The following TG variants were observed in gnomAD, a reference collection of about 807,000 sequenced individuals.
TG encodes thyroid hormones.
A neutral mutation model predicts 324.7 loss-of-function variants in TG; 270 were observed. The observed-to-expected ratio is 0.83, with a 90% CI of 0.75 to 0.92. The LOEUF (loss-of-function observed/expected upper bound fraction) is 0.92. Ranked by LOEUF, TG falls within the 40% of genes least tolerant of loss-of-function variation. The pLI, the probability that TG is intolerant of heterozygous loss-of-function variation, is 0.00. For missense variants in TG, 3,591 were observed against 3,456.4 expected (o/e 1.04, Z -0.98); for synonymous variants, 1,401 against 1,327.0 (o/e 1.06, Z -1.21).
At chr8:133,041,811 C>T (rs938908321) in intron 41 of TG, among the ~76,000 whole-genome samples, 21 of 127,078 alleles carry the variant, frequency 1.7e-4, no homozygotes, top group African/African-American at 6.1e-4. Flanking sequence ...TTTTTTTAGA[C>T]GGAGTCTTGC....
chr8:133,014,256 C>T (rs1216614576), intron 37 of TG, among the ~76,000 whole-genome samples: 1 of 152,226 alleles, frequency 6.6e-6, no homozygotes, highest in African/African-American at 2.4e-5. Context: ...CAAAGCCATG[C>T]AGCCTAACTA....
chr8:133,087,116 A>T (rs568639722), intron 41 of TG, among the ~76,000 whole-genome samples: 27 of 118,460 alleles, frequency 2.3e-4, no homozygotes, highest in African/African-American at 6.4e-4. Flanking sequence ...ACACACACAC[A>T]CACACACGGA....
chr8:133,088,405 G>A (rs533695324), intron 41 of TG, among the ~76,000 whole-genome samples: 1 of 152,312 alleles, frequency 6.6e-6, no homozygotes, highest in South Asian at 2.1e-4. Flanking sequence ...GTAGCACAGT[G>A]TGGGGGGAAC....
At chr8:132,993,181 TAA>T (rs1325499136) in intron 35 of TG, among the ~76,000 whole-genome samples, 18 of 152,244 alleles carry the variant, frequency 1.2e-4, no homozygotes, top group Non-Finnish European at 1.9e-4. Context: ...ATAATAGATA[TAA>T]GTCTCCACTT....
intron 22 of TG, among the ~76,000 whole-genome samples, chr8:132,926,994 C>A (rs1378262362): frequency 6.6e-6 from 1 of 152,184 alleles, no homozygotes; most frequent in African/African-American, 2.4e-5. Flanking sequence ...TTCCACCTTG[C>A]TCACTGGAAA....
chr8:133,129,946 A>G (rs1378806285), intron 45 of TG, among the ~76,000 whole-genome samples: 4 of 152,080 alleles, frequency 2.6e-5, no homozygotes, highest in African/African-American at 9.7e-5. Flanking sequence ...GACCTCCCCA[A>G]CCTCCCACAA....
chr8:132,885,883 C>T (rs1815339986), intron 8 of TG, among the ~76,000 whole-genome samples: 1 of 152,166 alleles, frequency 6.6e-6, no homozygotes, highest in South Asian at 2.1e-4. Flanking sequence ...GTGTCTTTGG[C>T]TTGTGGCTGC....
At chr8:133,111,606 TGGAAACTCTCAGATGCGTTGTAGATG>T in intron 43 of TG, among the ~76,000 whole-genome samples, 1 of 152,202 alleles carries the variant, frequency 6.6e-6, no homozygotes, top group East Asian at 1.9e-4. Flanking sequence ...TAGAATAGAA[TGGAAACTCTCAGATGCGTTGTAGATG>T]GTAAGAGTAT....
intron 16 of TG, among the ~76,000 whole-genome samples, chr8:132,904,423 T>C (rs1458419650): frequency 1.9e-4 from 29 of 152,208 alleles, no homozygotes; most frequent in Admixed American, 1.9e-3. Flanking sequence ...TTTCATGAAA[T>C]TAAAGATGTA....
rs148810005 is a variant in TG, at chr8:133,068,524, G to A, written c.7240-26520G>A. Among the ~76,000 whole-genome samples the A allele has an allele frequency of 2.1e-3, 323 of 152,314 alleles. 1 individual carries two copies. Among genetic ancestry groups the A allele is most frequent in the African/African-American group, 7.3e-3 (305 of 41,568 alleles). ...ATTAAGTCACTAGACCACTCTTTCTGCTGTTTTTGTTTTTGTCTTTAATGA... is the reference window on the plus strand; with the variant it reads ...ATTAAGTCACTAGACCACTCTTTCTACTGTTTTTGTTTTTGTCTTTAATGA... On this transcript the variant is annotated intron_variant, in intron 41 of 47. Transcript: ENST00000220616.
At chr8:132,961,997 A>ACGTG (rs1347487555) in intron 28 of TG, among the ~76,000 whole-genome samples, 1 of 152,138 alleles carries the variant, frequency 6.6e-6, no homozygotes, top group Non-Finnish European at 1.5e-5. Flanking sequence ...CCCATGGGTA[A>ACGTG]CGTGCGATAC....
intron 27 of TG, among the ~76,000 whole-genome samples, chr8:132,959,750 T>C (rs1180937260): frequency 6.6e-6 from 1 of 152,186 alleles, no homozygotes; most frequent in Non-Finnish European, 1.5e-5. Flanking sequence ...TATCTGGAAA[T>C]CAGGGACCTT....
In TG at chr8:133,050,378, A is replaced by C. The variant is rs1046300849; in HGVS notation, c.7239+20355A>C. On this transcript the variant is annotated intron_variant, in intron 41 of 47. Coordinates refer to ENST00000220616, the MANE Select transcript of TG (RefSeq NM_003235.5). ...AAGATCTAAATAAAAGGGGCTTAGA[A>C]CTTCTGTCATGTTCTATAGCCCATA... The C allele has an allele frequency of 1.2e-4, 33 of 279,050 alleles. 1 individual carries two copies. In the South Asian group the frequency reaches 1.6e-3, roughly 14 times the overall value. 17.3% of individuals were successfully genotyped at this position (279,050 alleles called of 1,614,324 possible).
chr8:133,063,331 C>G (rs1366195861), intron 41 of TG, among the ~76,000 whole-genome samples: 1 of 151,836 alleles, frequency 6.6e-6, no homozygotes, highest in Non-Finnish European at 1.5e-5. Flanking sequence ...AGCAGGCTCC[C>G]ACCACAATGT....
At chr8:132,873,894 G>T (rs1839727054) in intron 5 of TG, among the ~76,000 whole-genome samples, 1 of 152,190 alleles carries the variant, frequency 6.6e-6, no homozygotes. Context: ...CAGAAGGCCG[G>T]GCGCAGTGGC....
At chr8:133,065,162 C>T (rs963376131) in intron 41 of TG, among the ~76,000 whole-genome samples, 3 of 152,154 alleles carry the variant, frequency 2.0e-5, no homozygotes, top group Non-Finnish European at 4.4e-5. Context: ...CCAACAACAA[C>T]GGTGATGACC....
intron 9 of TG, 134 bp downstream of exon 9, chr8:132,887,682 A>G: frequency 1.7e-6 from 2 of 1,210,656 alleles, no homozygotes; most frequent in South Asian, 1.3e-5. Flanking sequence ...GACTGCTTAT[A>G]TTAAAAATTA....
chr8:133,007,865 C>T (rs1834162620), intron 35 of TG, among the ~76,000 whole-genome samples: 1 of 150,638 alleles, frequency 6.6e-6, no homozygotes, highest in Non-Finnish European at 1.5e-5. Context: ...TTAGACAAAC[C>T]AGTCTAGGTG....
intron 35 of TG, chr8:132,995,407 T>C: frequency 1.0e-6 from 1 of 985,208 alleles, no homozygotes; most frequent in Non-Finnish European, 1.2e-6. Flanking sequence ...TAGGAGTCTG[T>C]CTGTGTTCAA....
Sources: allele counts gnomAD v4.1 joint callset (sites outside exome capture counted in the v4.1 genomes callset), GRCh38; gene constraint gnomAD v4.1.1; transcripts MANE v1.5; gene names NCBI Gene and HGNC (gene_info 2026-07-23, HGNC 2026-07-21).